IL1RAPL2: variants seen among roughly 807,000 people sequenced by gnomAD.
IL1RAPL2 encodes interleukin 1 receptor accessory protein like 2, also known as X-linked interleukin-1 receptor accessory protein-like 2.
In IL1RAPL2, 3 loss-of-function variants were observed where a neutral mutation model predicts 44.1. The ratio of observed to expected loss-of-function variants is 0.07; its 90% CI spans 0.03 to 0.18. The LOEUF (loss-of-function observed/expected upper bound fraction) is 0.18. IL1RAPL2 is among the 10% of genes least tolerant of loss of function. IL1RAPL2 has a pLI of 1.00. For synonymous variants in IL1RAPL2, 181 were observed against 178.8 expected (o/e 1.01, Z -0.10); for missense variants, 391 against 496.4 (o/e 0.79, Z 2.02).
At chrX:104,659,269 T>C (rs1930340956) in intron 2 of IL1RAPL2, among the ~76,000 whole-genome samples, 1 of 111,932 alleles carries the variant, frequency 8.9e-6, no homozygotes, top group African/African-American at 3.2e-5. Context: ...CATTTGCTAG[T>C]GAATAAATAC....
chrX:105,387,510 G>A (rs1466031258), intron 5 of IL1RAPL2, among the ~76,000 whole-genome samples: 2 of 110,267 alleles, frequency 1.8e-5, no homozygotes, highest in East Asian at 5.8e-4. Flanking sequence ...TGGGATTACA[G>A]GCATGAGCCA....
Position 104,606,051 on chromosome X carries a change from C to T in IL1RAPL2, c.-20+39000C>T, listed in dbSNP as rs1929002627. Among the ~76,000 whole-genome samples, 5 of 112,089 alleles carry T rather than the reference C, an allele frequency of 4.5e-5. No homozygotes were observed. In the Admixed American group the frequency reaches 4.7e-4, roughly 11 times the overall value. ...ATTTCAGGCCAATATCCCTGATGAACATCGATGTGAAAATCCTCAATAAAA... is the reference window on the plus strand; with the variant it reads ...ATTTCAGGCCAATATCCCTGATGAATATCGATGTGAAAATCCTCAATAAAA... On this transcript the variant is annotated intron_variant, in intron 1 of 10. Transcript: ENST00000372582.
chrX:104,891,382 C>G (rs1923434514), intron 2 of IL1RAPL2, among the ~76,000 whole-genome samples: 1 of 111,953 alleles, frequency 8.9e-6, no homozygotes, highest in Non-Finnish European at 1.9e-5. Flanking sequence ...CTATAAATTA[C>G]CTTGGGCAGT....
rs372593455 is a variant in IL1RAPL2, at chrX:105,767,156, A to G, written c.1556A>G (p.Gln519Arg). The G allele has an allele frequency of 5.8e-6, 7 of 1,209,255 alleles. No homozygotes were observed. Among genetic ancestry groups the G allele is most frequent in the Non-Finnish European group, 6.7e-6 (6 of 894,268 alleles). ...GAATTAAAAGGGAAAGTGAATTGCC[A>G]GGAAGTGGAATCACTAAAGCGTAGC... is the stretch of plus-strand genomic sequence containing the variant. ...CTELKGKVNC[Q>R]EVESLKRSIK... Residue 519 changes from glutamine to arginine, a missense_variant, in exon 11 of 11, where the codon CAG becomes CGG. Gln to Arg is a conservative substitution (Grantham distance 43, BLOSUM62 1). Around this residue, in one of 2 missense-constraint regions of IL1RAPL2, gnomAD observed 232 missense variants for 244.8 expected, o/e 0.95. Transcript: ENST00000372582.
chrX:105,187,421 C>T (rs2033598630), intron 2 of IL1RAPL2, among the ~76,000 whole-genome samples: 1 of 110,956 alleles, frequency 9.0e-6, no homozygotes, highest in Non-Finnish European at 1.9e-5. Context: ...TACTTCAATA[C>T]ATCTAATTAT....
At chrX:104,953,322 G>A (rs901422978) in intron 2 of IL1RAPL2, among the ~76,000 whole-genome samples, 3 of 111,885 alleles carry the variant, frequency 2.7e-5, no homozygotes, top group Non-Finnish European at 3.8e-5. Flanking sequence ...TGGAAACTCA[G>A]AGGAAAATAA....
intron 2 of IL1RAPL2, among the ~76,000 whole-genome samples, chrX:105,187,189 G>GA (rs1291171746): frequency 1.8e-5 from 2 of 111,335 alleles, no homozygotes; most frequent in Non-Finnish European, 3.8e-5. Flanking sequence ...CTGATACATA[G>GA]AAAAAAAATT....
At position 105,408,102 on chromosome X, in the gene IL1RAPL2, A is replaced by G. The variant is rs1322328755; in HGVS notation, c.698-76211A>G. Among the ~76,000 whole-genome samples the G allele has an allele frequency of 2.7e-5, 3 of 112,322 alleles. No homozygotes were observed. In the East Asian group the frequency reaches 8.4e-4, roughly 31 times the overall value. On this transcript the variant is annotated intron_variant, in intron 5 of 10. Transcript: ENST00000372582. Reference sequence around the variant, plus strand: ...GTAATATAATTGCAGCTAGAACCCTACAGTGGAGAATGAGGAATTTTAAAC... The same window carrying G: ...GTAATATAATTGCAGCTAGAACCCTGCAGTGGAGAATGAGGAATTTTAAAC...
chrX:105,057,928 T>G (rs1157992845), intron 2 of IL1RAPL2, among the ~76,000 whole-genome samples: 4 of 103,382 alleles, frequency 3.9e-5, no homozygotes, highest in African/African-American at 1.5e-4. Flanking sequence ...ATTACAGGCA[T>G]GCGCCACCAC....
intron 6 of IL1RAPL2, among the ~76,000 whole-genome samples, chrX:105,640,684 A>ATATG (rs1556372450): frequency 2.1e-5 from 2 of 94,885 alleles, no homozygotes; most frequent in African/African-American, 7.7e-5. Context: ...ATATATATAT[A>ATATG]TATATATACA....
intron 2 of IL1RAPL2, among the ~76,000 whole-genome samples, chrX:105,077,132 C>G (rs1260853779): frequency 9.0e-6 from 1 of 111,549 alleles, no homozygotes; most frequent in Non-Finnish European, 1.9e-5. Context: ...CAGTTTCCTC[C>G]TAGCCTTGAT....
At position 105,219,712 on chromosome X, in the gene IL1RAPL2, C is replaced by T. The variant is rs782324559; in HGVS notation, c.357-14106C>T. On this transcript the variant is annotated intron_variant, in intron 3 of 10. Coordinates refer to ENST00000372582, the MANE Select transcript of IL1RAPL2 (RefSeq NM_017416.2). ...GCAAACCCCTCCGGCAGTGGCCAGG[C>T]CTGGCCACCCTGCCCCCTGCTCCCA... 4 of 1,208,214 alleles carry T rather than the reference C, an allele frequency of 3.3e-6. No homozygotes were observed. The East Asian group carries it at 8.9e-5, about 27-fold the overall frequency.
intron 2 of IL1RAPL2, among the ~76,000 whole-genome samples, chrX:104,754,783 GT>G (rs1351938422): frequency 8.9e-6 from 1 of 112,222 alleles, no homozygotes; most frequent in Non-Finnish European, 1.9e-5. Flanking sequence ...TATAGGAATT[GT>G]AAATGTTAAC....
At chrX:105,260,697 C>A (rs901329340) in intron 4 of IL1RAPL2, among the ~76,000 whole-genome samples, 1 of 112,220 alleles carries the variant, frequency 8.9e-6, no homozygotes, top group African/African-American at 3.2e-5. Flanking sequence ...AGTCTAGCCA[C>A]GTTTTGGTAG....
intron 2 of IL1RAPL2, among the ~76,000 whole-genome samples, chrX:105,106,261 C>T (rs1250735599): frequency 1.8e-5 from 2 of 111,279 alleles, no homozygotes; most frequent in African/African-American, 6.5e-5. Context: ...AAGAATGTGA[C>T]ATAGAAGAGC....
chrX:105,501,614 AC>A (rs2036395891), intron 6 of IL1RAPL2, among the ~76,000 whole-genome samples: 1 of 110,705 alleles, frequency 9.0e-6, no homozygotes, highest in South Asian at 3.8e-4. Context: ...ACGAAGTGAG[AC>A]CCTCTTTCAA....
intron 2 of IL1RAPL2, among the ~76,000 whole-genome samples, chrX:104,908,142 T>G (rs2147680261): frequency 9.0e-6 from 1 of 111,284 alleles, no homozygotes; most frequent in African/African-American, 3.3e-5. Context: ...CTTTTTATGT[T>G]TTCCATTTGC....
At chrX:104,598,774 A>G (rs1181182057) in intron 1 of IL1RAPL2, among the ~76,000 whole-genome samples, 1 of 112,333 alleles carries the variant, frequency 8.9e-6, no homozygotes, top group Non-Finnish European at 1.9e-5. Context: ...AATATGCTAT[A>G]CCTTCCAAGT....
intron 2 of IL1RAPL2, among the ~76,000 whole-genome samples, chrX:105,059,621 C>T (rs1023852167): frequency 9.9e-5 from 11 of 111,312 alleles, no homozygotes; most frequent in Non-Finnish European, 5.7e-5. Context: ...ACCTCTGCCT[C>T]CCGGGTTCAA....
Sources: gnomAD v4.1 joint callset for allele counts (sites outside exome capture counted in the v4.1 genomes callset) on GRCh38, gnomAD v4.1.1 for gene constraint, gnomAD v4.1.1 regional missense constraint, MANE v1.5 for transcripts, NCBI Gene and HGNC (gene_info 2026-07-23, HGNC 2026-07-21) for gene names.